The following MTMR10 variants were observed in gnomAD, a reference collection of about 807,000 sequenced individuals.
MTMR10 encodes the protein myotubularin-related protein 10.
Under a neutral mutation model 88.1 loss-of-function variants are expected in MTMR10, and 56 were observed. The ratio of observed to expected loss-of-function variants is 0.64; its 90% CI spans 0.51 to 0.79. The LOEUF is 0.79. MTMR10 is among the 30% of genes least tolerant of loss of function. The pLI is 0.00. For missense variants in MTMR10, 883 were observed against 924.7 expected, an observed-to-expected ratio of 0.95 and a Z score of 0.58; for synonymous variants, 380 against 340.9, an observed-to-expected ratio of 1.11 and a Z score of -1.26.
the MTMR10 span, among the ~76,000 whole-genome samples, chr15:30,919,377 T>TAA: frequency 3.5e-5 from 1 of 28,974 alleles, no homozygotes; most frequent in African/African-American, 1.7e-4. Flanking sequence ...AAACTCCGTC[T>TAA]CAAAAAAAAA....
the MTMR10 span, chr15:30,927,003 C>T: frequency 5.1e-6 from 5 of 985,334 alleles, no homozygotes; most frequent in Admixed American, 6.1e-5. Flanking sequence ...AAATGCACAG[C>T]ATGGACCACT....
chr15:30,919,433 G>A, the MTMR10 span, among the ~76,000 whole-genome samples: 1 of 150,362 alleles, frequency 6.7e-6, no homozygotes, highest in Admixed American at 6.7e-5. Flanking sequence ...GCTCATGCCT[G>A]TAATCCCAGC....
Position 30,939,534 on chromosome 15 carries a change from A to C in MTMR10, c.*1936T>G, listed in dbSNP as rs1037606226. 3 of 976,470 alleles carry C rather than the reference A, an allele frequency of 3.1e-6. No individual in the cohort carries two copies. The highest frequency in any genetic ancestry group is 1.8e-5 in the African/African-American group (1 of 57,040). The allele number at this position is 976,470 out of a possible 1,614,324, so 60.5% of individuals were successfully genotyped here. ...CATGATATAACAACTGTCCAGCAAAAATAAAAGTATTTTACATTTGATTAT... is the reference window on the plus strand; with the variant it reads ...CATGATATAACAACTGTCCAGCAAACATAAAAGTATTTTACATTTGATTAT... On this transcript the variant is annotated 3_prime_UTR_variant, in exon 16 of 16. Coordinates refer to ENST00000435680, the MANE Select transcript of MTMR10 (RefSeq NM_017762.3).
chr15:30,948,637 T>C, intron 12 of MTMR10, 166 bp from the exon 13 acceptor site: 1 of 648,002 alleles, frequency 1.5e-6, no homozygotes, highest in Non-Finnish European at 2.6e-6. Context: ...TATTACAGAC[T>C]TGTAGATAAA....
chr15:30,961,427 G>C (rs971414714), intron 6 of MTMR10, among the ~76,000 whole-genome samples: 1 of 152,040 alleles, frequency 6.6e-6, no homozygotes, highest in African/African-American at 2.4e-5. Context: ...TTTTAATAGA[G>C]ACAGGGTTTC....
chr15:30,974,963 A>G lies in MTMR10; in HGVS notation c.299T>C (p.Val100Ala). The G allele has an allele frequency of 1.3e-6, 2 of 1,579,194 alleles. No homozygotes were observed. The highest frequency in any genetic ancestry group is 8.6e-7 in the Non-Finnish European group (1 of 1,160,632). ...AATTTGCTCAATACATGTTAAAGGGACATCGTGTTCACCAAGAAGAAGGTT... is the reference window on the plus strand; with the variant it reads ...AATTTGCTCAATACATGTTAAAGGGGCATCGTGTTCACCAAGAAGAAGGTT... ...YRNLLLGEHD[V>A]PLTCIEQIVT... Residue 100 changes from valine (V) to alanine (A), a missense_variant, in exon 4 of 16, where the codon GTC (valine) becomes GCC (alanine). Val to Ala is a moderately conservative substitution (Grantham distance 64). Coordinates refer to ENST00000435680, the MANE Select transcript of MTMR10 (RefSeq NM_017762.3).
At chr15:30,962,797 C>T (rs901038919) in intron 6 of MTMR10, among the ~76,000 whole-genome samples, 1 of 152,112 alleles carries the variant, frequency 6.6e-6, no homozygotes, top group African/African-American at 2.4e-5. Context: ...AATGAAGATG[C>T]AAAAGAGAAG....
the MTMR10 span, chr15:30,930,681 G>C: frequency 6.2e-7 from 1 of 1,612,572 alleles, no homozygotes; most frequent in Non-Finnish European, 8.5e-7. Context: ...GGTCAGTTGA[G>C]GCAGAATGGA....
chr15:30,974,167 T>C, intron 5 of MTMR10, 147 bp downstream of exon 5: 1 of 735,878 alleles, frequency 1.4e-6, no homozygotes. Context: ...TCTATTAATA[T>C]TCTTGGCTTT....
the MTMR10 span, chr15:30,927,807 G>C: frequency 1.0e-6 from 1 of 985,762 alleles, no homozygotes; most frequent in Non-Finnish European, 1.2e-6. Context: ...GGCTTGCTCA[G>C]GGACACAGGT....
the MTMR10 span, chr15:30,922,414 A>G: frequency 2.6e-6 from 4 of 1,513,228 alleles, no homozygotes; most frequent in African/African-American, 1.4e-5. Context: ...CTTTTAAAAT[A>G]TGGCAAACTT....
intron 12 of MTMR10, chr15:30,949,278 C>G (rs2063211354): frequency 6.6e-6 from 1 of 152,190 alleles, no homozygotes; most frequent in Admixed American, 6.5e-5. Flanking sequence ...ACTGGATACT[C>G]TCTCCCTAAG....
Position 30,991,605 on chromosome 15 carries a change from G to A in MTMR10, c.-99C>T. Reference sequence around the variant, plus strand: ...CAGTGCGGCCGCCCAGGCCCTTTCTGCGGCCAGCCGAGCCGGGCGGACTGA... The same window carrying A: ...CAGTGCGGCCGCCCAGGCCCTTTCTACGGCCAGCCGAGCCGGGCGGACTGA... On this transcript the variant is annotated 5_prime_UTR_variant, in exon 1 of 16. Coordinates refer to ENST00000435680, the MANE Select transcript of MTMR10 (RefSeq NM_017762.3). 7.2e-7 allele frequency: 1 copy of A among 1,393,216 alleles called. No homozygotes were observed. The highest frequency in any genetic ancestry group is 9.5e-7 in the Non-Finnish European group (1 of 1,057,620). 86.3% of individuals were successfully genotyped at this position (1,393,216 alleles called of 1,614,324 possible).
At chr15:30,937,571 G>C (rs1301797409), downstream of MTMR10, among the ~76,000 whole-genome samples, 1 of 150,874 alleles carries the variant, frequency 6.6e-6, no homozygotes, top group African/African-American at 2.4e-5. Flanking sequence ...CCTGCCTCAG[G>C]GTCCCCAGTA....
chr15:30,955,794 T>C (rs1482228378), intron 9 of MTMR10, among the ~76,000 whole-genome samples: 2 of 152,124 alleles, frequency 1.3e-5, no homozygotes, highest in Non-Finnish European at 2.9e-5. Flanking sequence ...GTCTTAACGA[T>C]TTGCTGTAGG....
chr15:30,950,967 C>CA (rs1212293725), intron 12 of MTMR10, among the ~76,000 whole-genome samples: 2 of 151,676 alleles, frequency 1.3e-5, no homozygotes, highest in African/African-American at 4.9e-5. Flanking sequence ...ATAATGACAA[C>CA]AAAAAAAAAG....
At chr15:30,981,004 A>G (rs1003082476) in intron 2 of MTMR10, among the ~76,000 whole-genome samples, 1 of 152,356 alleles carries the variant, frequency 6.6e-6, no homozygotes, top group South Asian at 2.1e-4. Flanking sequence ...TAAGGAAACA[A>G]AATCATGATT....
At position 30,969,027 on chromosome 15, in the gene MTMR10, C is replaced by T. The variant is rs1035075730; in HGVS notation, c.475-1017G>A. On this transcript the variant is annotated intron_variant, in intron 5 of 15. Transcript: ENST00000435680. ...ATTAAATTTTATTTAGAAGGTAAAG[C>T]GTTAAGTTAAGGCAGAATGATATAC... Among the ~76,000 whole-genome samples, 4 of 152,074 alleles carry T rather than the reference C, an allele frequency of 2.6e-5. No homozygotes were observed. In the South Asian group the frequency reaches 8.3e-4, roughly 32 times the overall value.
chr15:30,952,696 G>GT (rs1310153964), intron 11 of MTMR10, among the ~76,000 whole-genome samples: 9 of 151,602 alleles, frequency 5.9e-5, no homozygotes, highest in African/African-American at 2.2e-4. Flanking sequence ...GTCTCACTGT[G>GT]TTGCTCAGGC....
Sources: gnomAD v4.1 joint callset for allele counts (sites outside exome capture counted in the v4.1 genomes callset) on GRCh38, gnomAD v4.1.1 for gene constraint, MANE v1.5 for transcripts, NCBI Gene and HGNC (gene_info 2026-07-23, HGNC 2026-07-21) for gene names.